The following CT45A10 variants were observed in gnomAD, a reference collection of about 807,000 sequenced individuals.
The protein encoded by CT45A10 is cancer/testis antigen family 45 member A10.
Under a neutral mutation model 8.3 loss-of-function variants are expected in CT45A10, and 19 were observed. The ratio of observed to expected loss-of-function variants is 2.30; its 90% CI spans 1.61 to 3.38. The LOEUF is 3.38. CT45A10 is among the 30% of genes most tolerant of loss of function. CT45A10 has a pLI of 0.00. For synonymous variants in CT45A10, 28 were observed against 26.5 expected, an observed-to-expected ratio of 1.06 and a Z score of -0.17; for missense variants, 149 against 85.9, an observed-to-expected ratio of 1.73 and a Z score of -2.90.
chrX:135,889,962 C>T (rs1021966501), intron 1 of CT45A10, among the ~76,000 whole-genome samples: 1 of 111,993 alleles, frequency 8.9e-6, no homozygotes, highest in Admixed American at 9.5e-5. Flanking sequence ...ATTCCAGACA[C>T]TGTATGAAAA....
rs145670745 is a variant in CT45A10 at position 135,890,209 on chromosome X, C to T, written c.-7+3136G>A. 5.8e-4 allele frequency among the ~76,000 whole-genome samples: 65 copies of T among 112,530 alleles called. 1 individual carries two copies. The East Asian group carries it at 0.017, about 29-fold the overall frequency. On this transcript the variant is annotated intron_variant, in intron 1 of 4. Coordinates refer to ENST00000682849, the MANE Select transcript of CT45A10 (RefSeq NM_001291529.2). Reference sequence around the variant, plus strand: ...TCCAGTGCCTGAGGAGTTTTGTCTGCGGCTCATCCTGCTACATTTCTTGGT... The same window carrying T: ...TCCAGTGCCTGAGGAGTTTTGTCTGTGGCTCATCCTGCTACATTTCTTGGT...
chrX:135,892,238 G>A (rs1301231499), intron 1 of CT45A10, among the ~76,000 whole-genome samples: 2 of 110,997 alleles, frequency 1.8e-5, no homozygotes, highest in Non-Finnish European at 3.8e-5. Flanking sequence ...GAGCGAGCCT[G>A]GGAGCCCAAA....
In CT45A10 at chrX:135,883,117, A is replaced by G. The variant is rs1174468578; in HGVS notation, c.309T>C (p.Ser103=). The G allele has an allele frequency of 2.5e-6, 3 of 1,197,455 alleles. No homozygotes were observed. Among genetic ancestry groups the G allele is most frequent in the Non-Finnish European group, 3.4e-6 (3 of 885,761 alleles). Residue 103 remains serine (S), a synonymous_variant, in exon 3 of 5, where the codon TCT becomes TCC. Coordinates refer to ENST00000682849, the MANE Select transcript of CT45A10 (RefSeq NM_001291529.2). The stretch of plus-strand genomic sequence containing the variant: ...TTCCTCTGCATTCTAGGTCATCTCC[A>G]GAGAAATTGCTGGTAACGTTTCCTC... The part of the protein sequence containing the change: ...PVGGNVTSNF[S]GDDLECRGIA...
Position 135,892,390 on chromosome X carries a change from A to T in CT45A10, c.-7+955T>A, listed in dbSNP as rs1057398276. Among the ~76,000 whole-genome samples the T allele has an allele frequency of 8.9e-5, 10 of 112,230 alleles. 1 individual carries two copies. The highest frequency in any genetic ancestry group is 1.9e-4 in the Non-Finnish European group (10 of 53,236). ...GGAATGAAAGAATAATTGCACAGTG[A>T]GTTGTGTGCATGTGGCGAATCTGGA... On this transcript the variant is annotated intron_variant, in intron 1 of 4. Coordinates refer to ENST00000682849, the MANE Select transcript of CT45A10 (RefSeq NM_001291529.2).
At position 135,883,196 on chromosome X, in the gene CT45A10, G is replaced by C. The variant is rs1454801992; in HGVS notation, c.230C>G (p.Thr77Ser). The change falls in exon 3 of 5, where the codon ACT (threonine) becomes AGT (serine). Residue 77 changes from threonine (T) to serine (S), a missense_variant. Coordinates refer to ENST00000682849, the MANE Select transcript of CT45A10 (RefSeq NM_001291529.2). ...SQLDSQIDDFTGFSKDGMMQK... is the reference protein window; with the variant it reads ...SQLDSQIDDFSGFSKDGMMQK... Reference sequence around the variant, plus strand: ...CATCATCCCATCTTTGCTGAAACCAGTGAAGTCATCAATCTGAGAATCCAA... The same window carrying C: ...CATCATCCCATCTTTGCTGAAACCACTGAAGTCATCAATCTGAGAATCCAA... The C allele has an allele frequency of 2.8e-5, 34 of 1,196,534 alleles. No homozygotes were observed. The highest frequency in any genetic ancestry group is 5.3e-5 in the African/African-American group (3 of 56,386).
chrX:135,892,058 C>T (rs782397695), intron 1 of CT45A10, among the ~76,000 whole-genome samples: 6 of 108,859 alleles, frequency 5.5e-5, no homozygotes, highest in East Asian at 5.8e-4. Context: ...CAGTGGCTCA[C>T]GCCTGTAATC....
At chrX:135,892,046 C>T (rs1299388956) in intron 1 of CT45A10, among the ~76,000 whole-genome samples, 2 of 105,919 alleles carry the variant, frequency 1.9e-5, no homozygotes, top group Admixed American at 1.0e-4. Context: ...AATAGCTGGG[C>T]GCAGTGGCTC....
intron 1 of CT45A10, among the ~76,000 whole-genome samples, chrX:135,889,477 CAA>C (rs10645547): frequency 1.5e-4 from 13 of 89,019 alleles, no homozygotes; most frequent in Non-Finnish European, 1.3e-4. Context: ...AAGACTCCAT[CAA>C]AAAAAAAAAA....
At chrX:135,883,335 T>C in intron 2 of CT45A10, 79 bp from the exon 3 acceptor site, 2 of 1,188,409 alleles carry the variant, frequency 1.7e-6, no homozygotes, top group Non-Finnish European at 2.3e-6. Context: ...ACCTCATGAA[T>C]GACAGATCTG....
At chrX:135,892,871 G>A (rs782673273) in intron 1 of CT45A10, among the ~76,000 whole-genome samples, 67 of 110,252 alleles carry the variant, frequency 6.1e-4, no homozygotes, top group African/African-American at 2.0e-3. Context: ...CCGCGACAGA[G>A]AGTGACCCCA....
At position 135,893,432 on chromosome X, in the gene CT45A10, G is replaced by A. The variant is rs1412209101; in HGVS notation, c.-94C>T. Among the ~76,000 whole-genome samples, 2 of 112,558 alleles carry A rather than the reference G, an allele frequency of 1.8e-5. No homozygotes were observed. The highest frequency in any genetic ancestry group is 9.3e-5 in the Admixed American group (1 of 10,702). On this transcript the variant is annotated 5_prime_UTR_variant, in exon 1 of 5. In the 5' UTR this introduces an upstream ATG that the reference lacks. Transcript: ENST00000682849. Reference sequence around the variant, plus strand: ...TGTTGTAACTTTGTAGAAACTTGCCGTTTGGGAGTTATGGGAAACGTGCCC... The same window carrying A: ...TGTTGTAACTTTGTAGAAACTTGCCATTTGGGAGTTATGGGAAACGTGCCC...
chrX:135,887,656 A>G (rs2088443910), intron 1 of CT45A10, among the ~76,000 whole-genome samples: 1 of 109,923 alleles, frequency 9.1e-6, no homozygotes, highest in Non-Finnish European at 1.9e-5. Flanking sequence ...AAAAAAAAAA[A>G]AAAGAAAACA....
Position 135,882,631 on chromosome X carries a change from T to C in CT45A10, c.419-2A>G, listed in dbSNP as rs2088392382. 6.0e-6 allele frequency: 7 copies of C among 1,161,757 alleles called. No homozygotes were observed. The East Asian group carries it at 1.5e-4, about 25-fold the overall frequency. ...GCATTTCGAAGATTTTTTCATATTC[T>C]GAAGATGTTGAAAAAAAAACTTCAG... On this transcript the variant is annotated splice_acceptor_variant, in intron 3 of 4. Transcript: ENST00000682849. LOFTEE classifies it high-confidence loss of function.
chrX:135,889,172 C>G (rs1481275513), intron 1 of CT45A10: 8 of 535,785 alleles, frequency 1.5e-5, no homozygotes, highest in Non-Finnish European at 1.6e-5. Flanking sequence ...TTCGTTGACT[C>G]TGGCGCCCTC....
At chrX:135,890,037 C>T (rs1288747745) in intron 1 of CT45A10, among the ~76,000 whole-genome samples, 1 of 112,112 alleles carries the variant, frequency 8.9e-6, no homozygotes, top group African/African-American at 3.2e-5. Flanking sequence ...ATTTCCCACA[C>T]TTGCTCAATT....
At chrX:135,889,881 C>A (rs2088483800) in intron 1 of CT45A10, among the ~76,000 whole-genome samples, 1 of 110,695 alleles carries the variant, frequency 9.0e-6, no homozygotes, top group Admixed American at 9.6e-5. Flanking sequence ...GGCACCACCA[C>A]CCGGCCCTAG....
At chrX:135,890,971 C>T (rs1176632840) in intron 1 of CT45A10, among the ~76,000 whole-genome samples, 1 of 111,489 alleles carries the variant, frequency 9.0e-6, no homozygotes, top group Non-Finnish European at 1.9e-5. Flanking sequence ...GACACAGAGG[C>T]CAGAAACAAT....
chrX:135,892,818 G>T (rs2088520098), intron 1 of CT45A10, among the ~76,000 whole-genome samples: 1 of 111,747 alleles, frequency 8.9e-6, no homozygotes, highest in African/African-American at 3.3e-5. Flanking sequence ...CCACAGCCGA[G>T]AACAGCACTC....
chrX:135,889,559 A>G (rs2088478793), intron 1 of CT45A10, among the ~76,000 whole-genome samples: 1 of 111,493 alleles, frequency 9.0e-6, no homozygotes, highest in African/African-American at 3.3e-5. Context: ...TGTTTTTTAA[A>G]GTCAACCCCG....
Sources: gnomAD v4.1 joint callset for allele counts (sites outside exome capture counted in the v4.1 genomes callset) on GRCh38, gnomAD v4.1.1 for gene constraint, MANE v1.5 for transcripts, NCBI Gene and HGNC (gene_info 2026-07-23, HGNC 2026-07-21) for gene names.